The following SGCZ variants were observed in gnomAD, a reference collection of about 807,000 sequenced individuals.
SGCZ encodes zeta-sarcoglycan.
A neutral mutation model predicts 41.3 loss-of-function variants in SGCZ; 40 were observed. That is an observed-to-expected ratio of 0.97 (90% CI 0.75 to 1.26). The LOEUF is 1.26. Ranked by LOEUF, SGCZ falls within the 50% of genes most tolerant of loss-of-function variation. The pLI, the probability that SGCZ is intolerant of heterozygous loss-of-function variation, is 0.00. For synonymous variants in SGCZ, 206 were observed against 137.5 expected (o/e 1.50, Z -3.49); for missense variants, 552 against 369.8 (o/e 1.49, Z -4.04).
chr8:14,354,649 T>G (rs904797263), intron 2 of SGCZ, among the ~76,000 whole-genome samples: 1 of 151,674 alleles, frequency 6.6e-6, no homozygotes, highest in Non-Finnish European at 1.5e-5. Context: ...AATTCCTAAG[T>G]ATATAGGCAT....
intron 1 of SGCZ, among the ~76,000 whole-genome samples, chr8:14,809,572 A>G (rs1183727058): frequency 6.6e-6 from 1 of 152,182 alleles, no homozygotes; most frequent in Admixed American, 6.5e-5. Flanking sequence ...AATGGTTGCT[A>G]TCAAATTATA....
At chr8:14,759,725 GT>G (rs995828897) in intron 1 of SGCZ, among the ~76,000 whole-genome samples, 1 of 152,182 alleles carries the variant, frequency 6.6e-6, no homozygotes. Flanking sequence ...GAGTTAGCCA[GT>G]TGTGACAGCT....
chr8:14,502,180 A>G (rs1191967342), intron 2 of SGCZ, among the ~76,000 whole-genome samples: 2 of 152,078 alleles, frequency 1.3e-5, no homozygotes, highest in African/African-American at 4.8e-5. Flanking sequence ...GGATCCTTGT[A>G]TTCTTGTGAA....
intron 5 of SGCZ, among the ~76,000 whole-genome samples, chr8:14,155,928 T>C (rs1803862883): frequency 3.9e-5 from 6 of 152,094 alleles, no homozygotes; most frequent in Admixed American, 3.9e-4. Context: ...AATACTATAG[T>C]CAGCTGTAAC....
intron 2 of SGCZ, among the ~76,000 whole-genome samples, chr8:14,370,743 T>C (rs1001420833): frequency 1.3e-5 from 2 of 151,904 alleles, no homozygotes; most frequent in Admixed American, 6.6e-5. Context: ...GTAAGCAGGA[T>C]CTAGCTCAAA....
At chr8:14,402,484 T>C (rs1334301025) in intron 2 of SGCZ, among the ~76,000 whole-genome samples, 1 of 151,202 alleles carries the variant, frequency 6.6e-6, no homozygotes, top group Admixed American at 6.6e-5. Context: ...AAGGAAGGGA[T>C]CCAGTTTCAG....
rs34496062 is a variant in SGCZ, at chr8:15,232,675, GTATA to G, written c.39+4906_39+4909del. ...TATATATATACATATATATGTGTGT[GTATA>G]TATATATATATGTGTGTATATATAT... On this transcript the variant is annotated intron_variant, in intron 1 of 7. Transcript: ENST00000382080. Among the ~76,000 whole-genome samples, 595 of 117,476 alleles carry G rather than the reference GTATA, an allele frequency of 5.1e-3. 2 individuals are homozygous for G. Among genetic ancestry groups the G allele is most frequent in the African/African-American group, 0.018 (553 of 31,296 alleles). 77.1% of individuals were successfully genotyped at this position (117,476 alleles called of 152,430 possible). A position where few individuals can be genotyped will look rare whatever the true frequency, so the allele number is the denominator to read the frequency against.
chr8:15,034,982 G>A (rs998653520), intron 1 of SGCZ, among the ~76,000 whole-genome samples: 4 of 152,038 alleles, frequency 2.6e-5, no homozygotes, highest in Admixed American at 6.5e-5. Context: ...CTGAAACAAA[G>A]GAGTATAATT....
chr8:15,029,045 T>C (rs1181353197), intron 1 of SGCZ, among the ~76,000 whole-genome samples: 2 of 152,114 alleles, frequency 1.3e-5, no homozygotes, highest in African/African-American at 4.8e-5. Flanking sequence ...CATCAATGCC[T>C]AATTGAAGAT....
At chr8:15,203,507 G>C (rs1320841943) in intron 1 of SGCZ, among the ~76,000 whole-genome samples, 2 of 152,104 alleles carry the variant, frequency 1.3e-5, no homozygotes, top group African/African-American at 2.4e-5. Flanking sequence ...TCACTATATG[G>C]CAAGTAGCAC....
chr8:15,143,770 T>TAAC (rs1563148845), intron 1 of SGCZ, among the ~76,000 whole-genome samples: 2 of 4,594 alleles, frequency 4.4e-4, no homozygotes, highest in African/African-American at 5.6e-4. Context: ...ATTATTACCT[T>TAAC]TTTTTTTTTT....
chr8:15,118,668 C>G (rs143257758), intron 1 of SGCZ, among the ~76,000 whole-genome samples: 1 of 152,000 alleles, frequency 6.6e-6, no homozygotes, highest in Non-Finnish European at 1.5e-5. Flanking sequence ...ACCCTCTGAT[C>G]AGGAGTAGCT....
chr8:15,155,638 A>G (rs1345823925), intron 1 of SGCZ, among the ~76,000 whole-genome samples: 1 of 152,210 alleles, frequency 6.6e-6, no homozygotes, highest in Non-Finnish European at 1.5e-5. Context: ...TTCTCTGCAG[A>G]CATAAAAATG....
At chr8:14,236,716 T>C (rs953134336) in intron 4 of SGCZ, among the ~76,000 whole-genome samples, 2 of 151,566 alleles carry the variant, frequency 1.3e-5, no homozygotes, top group Admixed American at 1.3e-4. Flanking sequence ...ATATGTAATG[T>C]TTATGGTAAG....
chr8:14,816,075 AT>A (rs1801894861), intron 1 of SGCZ, among the ~76,000 whole-genome samples: 1 of 152,268 alleles, frequency 6.6e-6, no homozygotes, highest in South Asian at 2.1e-4. Flanking sequence ...TATGTCAAAT[AT>A]ATTTCAACCA....
intron 1 of SGCZ, among the ~76,000 whole-genome samples, chr8:14,780,140 G>T (rs13272494): frequency 1.3e-5 from 2 of 152,166 alleles, no homozygotes; most frequent in East Asian, 3.9e-4. Context: ...TTGGGAGGCA[G>T]AGGCCGGGCG....
chr8:14,682,049 G>C (rs1181562054), intron 1 of SGCZ, among the ~76,000 whole-genome samples: 1 of 151,906 alleles, frequency 6.6e-6, no homozygotes, highest in African/African-American at 2.4e-5. Context: ...GGTAGCAAAG[G>C]GTTCAATCCA....
intron 1 of SGCZ, among the ~76,000 whole-genome samples, chr8:15,108,953 C>T (rs556161965): frequency 1.1e-4 from 17 of 152,022 alleles, no homozygotes; most frequent in Non-Finnish European, 1.9e-4. Flanking sequence ...ATTGTGAAAA[C>T]GACTGCAAAA....
chr8:14,230,114 T>C (rs1369522860), intron 4 of SGCZ, among the ~76,000 whole-genome samples: 2 of 152,100 alleles, frequency 1.3e-5, no homozygotes, highest in Non-Finnish European at 2.9e-5. Flanking sequence ...TGGCATTTTG[T>C]CAGGATAATT....
Sources: gnomAD v4.1 joint callset for allele counts (sites outside exome capture counted in the v4.1 genomes callset) on GRCh38, gnomAD v4.1.1 for gene constraint, MANE v1.5 for transcripts, NCBI Gene and HGNC (gene_info 2026-07-23, HGNC 2026-07-21) for gene names.